The following PTPRQ variants were observed in gnomAD, a reference collection of about 807,000 sequenced individuals.
PTPRQ encodes phosphatidylinositol phosphatase PTPRQ.
In PTPRQ, 199 loss-of-function variants were observed where a neutral mutation model predicts 246.0. The observed-to-expected ratio is 0.81, with a 90% CI of 0.72 to 0.91. The LOEUF (loss-of-function observed/expected upper bound fraction) is 0.91. Among genes scored for constraint, PTPRQ ranks in the 40% least tolerant of loss-of-function variants. PTPRQ has a pLI of 0.00. For missense variants in PTPRQ, 2,624 were observed against 2,528.4 expected, an observed-to-expected ratio of 1.04 and a Z score of -0.81; for synonymous variants, 869 against 853.2, an observed-to-expected ratio of 1.02 and a Z score of -0.32.
chr12:80,489,124 C>G (rs1340822082), intron 9 of PTPRQ, among the ~76,000 whole-genome samples: 1 of 152,026 alleles, frequency 6.6e-6, no homozygotes, highest in East Asian at 1.9e-4. Flanking sequence ...TTTAGGCACT[C>G]TGTTAGGTAC....
At chr12:80,552,167 G>A (rs751434566) in intron 25 of PTPRQ, among the ~76,000 whole-genome samples, 27 of 152,194 alleles carry the variant, frequency 1.8e-4, no homozygotes, top group South Asian at 4.1e-4. Flanking sequence ...AGATTACCAG[G>A]AACTTTTGAG....
chr12:80,542,273 A>C lies in PTPRQ; in HGVS notation c.3630A>C (p.Ser1210=). ...SDNYIILEEL[S]PFTLYSFFAA... The stretch of plus-strand genomic sequence containing the variant: ...ATTACATAATATTGGAAGAGCTTTC[A>C]CCATTTACATTATATAGCTTTTTTG... Residue 1210 remains serine, a synonymous_variant, in exon 22 of 45, where the codon TCA becomes TCC. Transcript: ENST00000644991. The C allele has an allele frequency of 6.4e-7, 1 of 1,550,686 alleles. No individual in the cohort carries two copies. The highest frequency in any genetic ancestry group is 8.7e-7 in the Non-Finnish European group (1 of 1,146,508).
chr12:80,455,735 C>T lies in PTPRQ; in HGVS notation c.391-1840C>T, dbSNP rs187951915. On this transcript the variant is annotated intron_variant, in intron 3 of 44. Coordinates refer to ENST00000644991, the MANE Select transcript of PTPRQ (RefSeq NM_001145026.2). The stretch of plus-strand genomic sequence containing the variant: ...CCTCCCAAATAGCTGGGACTAGAGG[C>T]GCCCGCCACCATGCCCGGCTAATTT... 8.6e-5 allele frequency among the ~76,000 whole-genome samples: 13 copies of T among 151,482 alleles called. No homozygotes were observed. In the East Asian group the frequency reaches 1.2e-3, roughly 14 times the overall value.
Position 80,546,561 on chromosome 12 carries a change from A to T in PTPRQ, c.3879A>T (p.Ile1293=). Residue 1293 remains isoleucine, a synonymous_variant, in exon 24 of 45, where the codon ATA becomes ATT. Transcript: ENST00000644991. ...HETDTIYYKN[I]SGFKTEAKLV... is the part of the protein sequence containing the mutation. ...ACTTTTTTTCTGTTTTTCAGAATAT[A>T]TCAGGATTTAAAACTGAAGCCAAAC... 1 of 1,546,612 alleles carries T rather than the reference A, an allele frequency of 6.5e-7. No homozygotes were observed. Among genetic ancestry groups the T allele is most frequent in the South Asian group, 1.2e-5 (1 of 82,088 alleles).
At chr12:80,541,886 T>A in intron 21 of PTPRQ, 41 bp downstream of exon 21, 5 of 1,483,668 alleles carry the variant, frequency 3.4e-6, no homozygotes, top group Non-Finnish European at 4.5e-6. Flanking sequence ...CAGATTGTTG[T>A]TCTTTTCATT....
At chr12:80,583,185 C>T (rs1299593865) in intron 25 of PTPRQ, among the ~76,000 whole-genome samples, 1 of 152,168 alleles carries the variant, frequency 6.6e-6, no homozygotes, top group African/African-American at 2.4e-5. Flanking sequence ...CCCTGTTATA[C>T]CCTCGATTCA....
intron 42 of PTPRQ, among the ~76,000 whole-genome samples, chr12:80,671,669 A>G (rs1373276018): frequency 6.6e-6 from 1 of 152,108 alleles, no homozygotes; most frequent in Non-Finnish European, 1.5e-5. Flanking sequence ...ATTCAACTTG[A>G]CAGACTGAAT....
intron 8 of PTPRQ, among the ~76,000 whole-genome samples, chr12:80,480,231 G>A (rs1345185003): frequency 6.6e-6 from 1 of 152,088 alleles, no homozygotes; most frequent in Non-Finnish European, 1.5e-5. Flanking sequence ...ACTCAAAACT[G>A]CTCAACTTCA....
At position 80,619,448 on chromosome 12, in the gene PTPRQ, T is replaced by C; in HGVS notation, c.5295T>C (p.Thr1765=). ...ATGCCACAGGAAAACTGCTTGTGAC[T>C]TCAACAACAATTACAATCAGAATGC... ...IYDATGKLLV[T]STTITIRMPI... Residue 1765 remains threonine (T), a synonymous_variant, in exon 31 of 45, where the codon ACT becomes ACC. Transcript: ENST00000644991. The C allele has an allele frequency of 6.5e-7, 1 of 1,548,460 alleles. No individual in the cohort carries two copies. The highest frequency in any genetic ancestry group is 8.7e-7 in the Non-Finnish European group (1 of 1,144,924).
At chr12:80,490,058 T>G (rs1894397563) in intron 9 of PTPRQ, among the ~76,000 whole-genome samples, 1 of 151,926 alleles carries the variant, frequency 6.6e-6, no homozygotes, top group Non-Finnish European at 1.5e-5. Flanking sequence ...AAGAGTAGTT[T>G]AGGAATGTCT....
At chr12:80,542,461 T>G (rs1592634368) in intron 22 of PTPRQ, 97 bp downstream of exon 22, 3 of 1,442,104 alleles carry the variant, frequency 2.1e-6, no homozygotes, top group South Asian at 2.9e-5. Flanking sequence ...GATATCTGAT[T>G]GTCTATTTGT....
chr12:80,456,829 A>G (rs558031157), intron 3 of PTPRQ, among the ~76,000 whole-genome samples: 2 of 152,304 alleles, frequency 1.3e-5, no homozygotes, highest in South Asian at 4.1e-4. Context: ...TATTTCATTT[A>G]GTCCTCAGCA....
intron 38 of PTPRQ, 70 bp from the exon 39 acceptor site, chr12:80,657,915 C>A: frequency 8.6e-7 from 1 of 1,165,270 alleles, no homozygotes; most frequent in Non-Finnish European, 1.1e-6. Flanking sequence ...CTTTGTATTA[C>A]TTTTATAGTA....
At position 80,534,039 on chromosome 12, in the gene PTPRQ, T is replaced by C. The variant is rs117654491; in HGVS notation, c.2703T>C (p.Ile901=). 5.1e-4 allele frequency: 773 copies of C among 1,522,368 alleles called. 1 individual carries two copies. Among genetic ancestry groups the C allele is most frequent in the Non-Finnish European group, 6.2e-4 (708 of 1,135,936 alleles). The allele number at this position is 1,522,368 out of a possible 1,614,324, so 94.3% of individuals were successfully genotyped here. A position where few individuals can be genotyped will look rare whatever the true frequency, so the allele number is the denominator to read the frequency against. The change falls in exon 18 of 45, where the codon ATT becomes ATC. Residue 901 remains isoleucine, a synonymous_variant. Transcript: ENST00000644991. ...YVWNRSSLKT[I]NVTETSLELS... is the part of the protein sequence containing the mutation. ...GGAATAGATCATCATTAAAAACTATTAATGTCACTGAAACATCATTGGAGT... is the reference window on the plus strand; with the variant it reads ...GGAATAGATCATCATTAAAAACTATCAATGTCACTGAAACATCATTGGAGT...
intron 5 of PTPRQ, 142 bp downstream of exon 5, chr12:80,459,625 TTTA>T (rs896622972): frequency 7.6e-6 from 3 of 394,732 alleles, no homozygotes; most frequent in African/African-American, 4.1e-5. Flanking sequence ...TACACAACGT[TTTA>T]TTATTTGATT....
intron 38 of PTPRQ, among the ~76,000 whole-genome samples, chr12:80,655,746 C>A (rs1037088945): frequency 2.0e-5 from 3 of 152,088 alleles, no homozygotes; most frequent in Admixed American, 6.6e-5. Flanking sequence ...ATTTTCCCTG[C>A]AGAGATTGAT....
rs551430031 is a variant in PTPRQ at position 80,676,953 on chromosome 12, G to A, written c.6739-1649G>A. Among the ~76,000 whole-genome samples, 15 of 152,246 alleles carry A rather than the reference G, an allele frequency of 9.9e-5. No individual in the cohort carries two copies. In the East Asian group the frequency reaches 2.7e-3, roughly 27 times the overall value. ...TGCATCAGAAGAGTTTAATTCTTAAGGTAATATGGCTCTCTAGGGCAGAAA... is the reference window on the plus strand; with the variant it reads ...TGCATCAGAAGAGTTTAATTCTTAAAGTAATATGGCTCTCTAGGGCAGAAA... On this transcript the variant is annotated intron_variant, in intron 43 of 44. Transcript: ENST00000644991.
intron 25 of PTPRQ, among the ~76,000 whole-genome samples, chr12:80,569,405 G>A (rs1261859601): frequency 2.8e-5 from 3 of 108,004 alleles, no homozygotes; most frequent in African/African-American, 1.1e-4. Flanking sequence ...GGGGGGAGGG[G>A]GGAGGGATAG....
intron 8 of PTPRQ, among the ~76,000 whole-genome samples, chr12:80,478,457 C>G (rs1893902760): frequency 6.6e-6 from 1 of 152,030 alleles, no homozygotes; most frequent in African/African-American, 2.4e-5. Flanking sequence ...ACTGGAAACT[C>G]TAAAAAGCAG....
Sources: gnomAD v4.1 joint callset for allele counts (sites outside exome capture counted in the v4.1 genomes callset) on GRCh38, gnomAD v4.1.1 for gene constraint, MANE v1.5 for transcripts, NCBI Gene and HGNC (gene_info 2026-07-23, HGNC 2026-07-21) for gene names.